Variants in EPB41L3 observed in about 807,000 individuals in gnomAD.
EPB41L3 encodes the protein erythrocyte membrane protein band 4.1 like 3.
A neutral mutation model predicts 127.1 loss-of-function variants in EPB41L3; 57 were observed. That is an observed-to-expected ratio of 0.45 (90% CI 0.36 to 0.56). The LOEUF (loss-of-function observed/expected upper bound fraction) is 0.56. Ranked by LOEUF, EPB41L3 falls within the 20% of genes least tolerant of loss-of-function variation. The pLI is 0.00. For missense variants in EPB41L3, 1,273 were observed against 1,372.2 expected (o/e 0.93, Z 1.14); for synonymous variants, 572 against 549.5 (o/e 1.04, Z -0.57).
intron 3 of EPB41L3, among the ~76,000 whole-genome samples, chr18:5,604,344 T>G (rs990947069): frequency 6.6e-6 from 1 of 152,166 alleles, no homozygotes; most frequent in Non-Finnish European, 1.5e-5. Flanking sequence ...TAGCAGAAAT[T>G]TAAATATTTG....
intron 3 of EPB41L3, among the ~76,000 whole-genome samples, chr18:5,574,003 C>A (rs1448201154): frequency 6.6e-6 from 1 of 151,606 alleles, no homozygotes; most frequent in Non-Finnish European, 1.5e-5. Context: ...CTCCACCTCC[C>A]GGGTTCAAGC....
At position 5,394,397 on chromosome 18, in the gene EPB41L3, T is replaced by C. The variant is rs548510490; in HGVS notation, c.*6+280A>G. On this transcript the variant is annotated intron_variant, in intron 22 of 22. Transcript: ENST00000341928. ...TTGGATAATCAAAGAGTGCAGGCCA[T>C]GGAATAAAAGGGAACACCAGGAAGA... is the stretch of plus-strand genomic sequence containing the variant. The C allele has an allele frequency of 2.0e-5, 6 of 304,152 alleles. No homozygotes were observed. The South Asian group carries it at 5.1e-4, about 26-fold the overall frequency. 18.8% of individuals were successfully genotyped at this position (304,152 alleles called of 1,614,324 possible).
intron 3 of EPB41L3, among the ~76,000 whole-genome samples, chr18:5,583,717 A>C (rs540041357): frequency 3.9e-4 from 59 of 152,334 alleles, no homozygotes; most frequent in African/African-American, 1.3e-3. Flanking sequence ...ATCATACAGC[A>C]TCTTAAAATT....
intron 5 of EPB41L3, 63 bp from the exon 6 acceptor site, chr18:5,438,173 C>A: frequency 6.7e-7 from 1 of 1,485,518 alleles, no homozygotes; most frequent in Non-Finnish European, 9.3e-7. Context: ...TAATCGATGG[C>A]CAGAACTGCC....
intron 1 of EPB41L3, among the ~76,000 whole-genome samples, chr18:5,506,462 G>A (rs1233158117): frequency 1.3e-5 from 2 of 152,138 alleles, no homozygotes; most frequent in Non-Finnish European, 2.9e-5. Context: ...CACCCACTGT[G>A]TTCAAGTCTT....
intron 3 of EPB41L3, chr18:5,577,572 C>T (rs2094348895): frequency 3.2e-6 from 1 of 309,580 alleles, no homozygotes; most frequent in African/African-American, 2.2e-5. Flanking sequence ...AATAACTGCA[C>T]AGTATTTTAT....
At position 5,397,350 on chromosome 18, in the gene EPB41L3, T is replaced by A; in HGVS notation, c.2549A>T (p.Lys850Met). ...CACCAACACGGTCTCCTGCACCACC[T>A]TCTCAGTGCTAAGCGGCAGGTGGTG... The part of the protein sequence containing the change: ...TVHHLPLSTE[K>M]VVQETVLVEE... Residue 850 changes from lysine to methionine, a missense_variant, in exon 18 of 23, where the codon AAG becomes ATG. Physicochemically the swap from Lys to Met is moderately conservative, Grantham distance 95 (BLOSUM62 -1). Coordinates refer to ENST00000341928, the MANE Select transcript of EPB41L3 (RefSeq NM_012307.5). The surrounding 1 kb of genome is among the most constrained non-coding windows in gnomAD (Gnocchi z 4.1). The A allele has an allele frequency of 6.2e-7, 1 of 1,614,080 alleles. No individual in the cohort carries two copies. The highest frequency in any genetic ancestry group is 8.5e-7 in the Non-Finnish European group (1 of 1,180,032).
chr18:5,394,370 A>G (rs2072961575), intron 22 of EPB41L3: 1 of 214,426 alleles, frequency 4.7e-6, no homozygotes, highest in African/African-American at 2.3e-5. Context: ...GCCATTACAA[A>G]TTTGGATAAT....
In EPB41L3 at chr18:5,406,883, T is replaced by A. The variant is rs568064312; in HGVS notation, c.2243A>T (p.Asp748Val). The A allele has an allele frequency of 6.2e-7, 1 of 1,614,206 alleles. No homozygotes were observed. Among genetic ancestry groups the A allele is most frequent in the Admixed American group, 1.7e-5 (1 of 60,024 alleles). The change falls in exon 16 of 23, where the codon GAC (aspartate) becomes GTC (valine). Residue 748 changes from aspartate (D) to valine (V), a missense_variant. Transcript: ENST00000341928. ...CTCCCATTCATTCGTTACGGCAGTG[T>A]CTGTTGAGGTTTCTAAGAAGGTTCT... is the stretch of plus-strand genomic sequence containing the variant. ...LKRTFLETSTDTAVTNEWEKR... is the reference protein window; with the variant it reads ...LKRTFLETSTVTAVTNEWEKR...
chr18:5,597,392 C>T (rs1019028881), intron 3 of EPB41L3, among the ~76,000 whole-genome samples: 17 of 152,158 alleles, frequency 1.1e-4, no homozygotes, highest in African/African-American at 4.1e-4. Context: ...CTGACTACAT[C>T]CCATTAGTGC....
chr18:5,398,565 G>A (rs2073976273), intron 16 of EPB41L3: 1 of 403,384 alleles, frequency 2.5e-6, no homozygotes. Flanking sequence ...CAAGAGAAAC[G>A]GAAAGGTTTG....
Position 5,414,945 on chromosome 18 carries a change from C to T in EPB41L3, c.2067+873G>A, listed in dbSNP as rs539132437. Among the ~76,000 whole-genome samples the T allele has an allele frequency of 3.3e-5, 5 of 152,338 alleles. No homozygotes were observed. The South Asian group carries it at 6.2e-4, about 19-fold the overall frequency. On this transcript the variant is annotated intron_variant, in intron 13 of 22. Coordinates refer to ENST00000341928, the MANE Select transcript of EPB41L3 (RefSeq NM_012307.5). ...TGGAGGCTGATAGTTCAGGGTCTTT[C>T]GCCCACTATGTCCATGTCTGGCTGG... is the stretch of plus-strand genomic sequence containing the variant.
At chr18:5,445,340 T>C (rs1182434457) in intron 3 of EPB41L3, 96 bp from the exon 4 acceptor site, 2 of 976,714 alleles carry the variant, frequency 2.0e-6, no homozygotes, top group African/African-American at 3.2e-5. Context: ...AAACATTGCT[T>C]GGTGTAACTT....
chr18:5,576,353 G>C (rs1183448800), intron 3 of EPB41L3, among the ~76,000 whole-genome samples: 1 of 152,202 alleles, frequency 6.6e-6, no homozygotes, highest in Non-Finnish European at 1.5e-5. Flanking sequence ...GTAGTTGGCA[G>C]GAAAGGGGTT....
intron 8 of EPB41L3, 81 bp from the exon 9 acceptor site, chr18:5,428,546 C>T (rs879676267): frequency 3.1e-5 from 47 of 1,517,186 alleles, no homozygotes; most frequent in Middle Eastern, 1.8e-4. Flanking sequence ...TAAGCATCCA[C>T]GACAGAAACT....
intron 3 of EPB41L3, among the ~76,000 whole-genome samples, chr18:5,575,422 G>C (rs2094327274): frequency 6.6e-6 from 1 of 152,068 alleles, no homozygotes; most frequent in Non-Finnish European, 1.5e-5. Context: ...AGATCTGATT[G>C]TTAAAAACAG....
intron 1 of EPB41L3, among the ~76,000 whole-genome samples, chr18:5,623,940 G>A (rs1448851954): frequency 1.3e-5 from 2 of 151,722 alleles, no homozygotes; most frequent in Non-Finnish European, 2.9e-5. Context: ...TATAGGCAAT[G>A]TTTTCATTTT....
intron 3 of EPB41L3, among the ~76,000 whole-genome samples, chr18:5,551,276 A>G (rs1262100073): frequency 6.6e-6 from 1 of 152,192 alleles, no homozygotes; most frequent in Non-Finnish European, 1.5e-5. Context: ...ATATCTGAAA[A>G]TCGTTGTATA....
At chr18:5,612,655 G>C (rs1001057748) in intron 2 of EPB41L3, among the ~76,000 whole-genome samples, 4 of 152,168 alleles carry the variant, frequency 2.6e-5, no homozygotes, top group African/African-American at 9.7e-5. Flanking sequence ...ATTTTTACTT[G>C]CTAAAGATGC....
Sources: gnomAD v4.1 joint callset for allele counts (sites outside exome capture counted in the v4.1 genomes callset) on GRCh38, gnomAD v4.1.1 for gene constraint, Gnocchi (gnomAD v3.1) non-coding constraint, MANE v1.5 for transcripts, NCBI Gene and HGNC (gene_info 2026-07-23, HGNC 2026-07-21) for gene names.